The following COL7A1 variants were observed in gnomAD, a reference collection of about 807,000 sequenced individuals.
COL7A1 encodes the protein collagen alpha-1(VII) chain.
COL7A1 carries 296 observed loss-of-function variants against 456.2 expected under a neutral mutation model. The ratio of observed to expected loss-of-function variants is 0.65; its 90% CI spans 0.59 to 0.71. The LOEUF is 0.71. Among genes scored for constraint, COL7A1 ranks in the 30% least tolerant of loss-of-function variants. The pLI is 0.00. For missense variants in COL7A1, 3,441 were observed against 4,017.2 expected (o/e 0.86, Z 3.88); for synonymous variants, 1,464 against 1,525.9 (o/e 0.96, Z 0.95).
chr3:48,589,305 T>C, intron 18 of COL7A1, 22 bp downstream of exon 18: 1 of 1,611,544 alleles, frequency 6.2e-7, no homozygotes, highest in Non-Finnish European at 8.5e-7. Flanking sequence ...GTGTGGCTAG[T>C]AGCTGGCCAG....
At position 48,586,264 on chromosome 3, in the gene COL7A1, G is replaced by A; in HGVS notation, c.3551-18C>T. 1.2e-6 allele frequency: 2 copies of A among 1,613,752 alleles called. No homozygotes were observed. The highest frequency in any genetic ancestry group is 1.7e-5 in the Admixed American group (1 of 60,036). On this transcript the variant is annotated intron_variant, in intron 27 of 118. Transcript: ENST00000681320. This position sits in a 1 kb window ranked among gnomAD's most constrained non-coding sequence, Gnocchi z 5.1. ...ATTAAGCCCTAAGGTGGGGTCCAGT[G>A]GCTGCATGATAGCCTTTTCAGGGCC...
At position 48,572,949 on chromosome 3, in the gene COL7A1, G is replaced by T; in HGVS notation, c.6751-7C>A. ...CCGGCTTCCCTGTCTCCCCCTGAGA[G>T]GGAAGAGCTCTGTCAGGGCTGCCTG... On this transcript the variant is annotated splice_region_variant and splice_polypyrimidine_tract_variant and intron_variant, in intron 86 of 118. Coordinates refer to ENST00000681320, the MANE Select transcript of COL7A1 (RefSeq NM_000094.4). This position sits in a 1 kb window ranked among gnomAD's most constrained non-coding sequence, Gnocchi z 4.6. 1 of 1,614,010 alleles carries T rather than the reference G, an allele frequency of 6.2e-7. No homozygotes were observed. Among genetic ancestry groups the T allele is most frequent in the Non-Finnish European group, 8.5e-7 (1 of 1,180,016 alleles).
In COL7A1 at chr3:48,580,191, C is replaced by T. The variant is rs971121762; in HGVS notation, c.5097+109G>A. 3 of 1,534,952 alleles carry T rather than the reference C, an allele frequency of 2.0e-6. No homozygotes were observed. The highest frequency in any genetic ancestry group is 1.4e-5 in the African/African-American group (1 of 73,034). Reference sequence around the variant, plus strand: ...CCAGCCCCCAGCAGGCATGGGTGGCCATCCATGCTTCCCACCTGGACCTCC... The same window carrying T: ...CCAGCCCCCAGCAGGCATGGGTGGCTATCCATGCTTCCCACCTGGACCTCC... On this transcript the variant is annotated intron_variant, in intron 56 of 118. Transcript: ENST00000681320. The surrounding 1 kb of genome is among the most constrained non-coding windows in gnomAD (Gnocchi z 4.5).
In COL7A1 at chr3:48,584,073, A is replaced by G; in HGVS notation, c.4198-12T>C. 6.2e-7 allele frequency: 1 copy of G among 1,614,172 alleles called. No homozygotes were observed. Among genetic ancestry groups the G allele is most frequent in the Non-Finnish European group, 8.5e-7 (1 of 1,180,032 alleles). On this transcript the variant is annotated splice_polypyrimidine_tract_variant and intron_variant, in intron 37 of 118. Transcript: ENST00000681320. ...TCGCCTTTGTCACCCTAGAAAACAG[A>G]TGACGACCCCATGACCCTGGGCCAC...
chr3:48,576,276 G>A lies in COL7A1; in HGVS notation c.5793C>T (p.Gly1931=). ...GCACACTTCCAGGCTCTCCTCGCAGGCCACGCTCTCCAGGGAGGCCCTGGA... is the reference window on the plus strand; with the variant it reads ...GCACACTTCCAGGCTCTCCTCGCAGACCACGCTCTCCAGGGAGGCCCTGGA... ...KGEQGLPGER[G]LRGEPGSVPN... The change falls in exon 71 of 119, where the codon GGC becomes GGT. Residue 1931 remains glycine, a synonymous_variant. Coordinates refer to ENST00000681320, the MANE Select transcript of COL7A1 (RefSeq NM_000094.4). The A allele has an allele frequency of 6.2e-7, 1 of 1,613,814 alleles. No individual in the cohort carries two copies.
At position 48,587,698 on chromosome 3, in the gene COL7A1, G is replaced by A. The variant is rs2045373859; in HGVS notation, c.2857+95C>T. 2 of 1,603,060 alleles carry A rather than the reference G, an allele frequency of 1.2e-6. No homozygotes were observed. The highest frequency in any genetic ancestry group is 1.7e-5 in the Admixed American group (1 of 60,012). ...GTCACCCAGGGTCAGAGGGTGAGGG[G>A]TAGGGGTACAGGAGGAGTCACTCAG... On this transcript the variant is annotated intron_variant, in intron 22 of 118. Coordinates refer to ENST00000681320, the MANE Select transcript of COL7A1 (RefSeq NM_000094.4). This position sits in a 1 kb window ranked among gnomAD's most constrained non-coding sequence, Gnocchi z 6.1.
In COL7A1 at chr3:48,574,717, TC is replaced by T; in HGVS notation, c.6352del (p.Glu2118SerfsTer88). On this transcript the variant is annotated frameshift_variant, in exon 78 of 119. Coordinates refer to ENST00000681320, the MANE Select transcript of COL7A1 (RefSeq NM_000094.4). LOFTEE classifies it high-confidence loss of function. The surrounding 1 kb of genome is among the most constrained non-coding windows in gnomAD (Gnocchi z 5.0). Reference sequence around the variant, plus strand: ...ACCTTGGTCACCATTGCTGCCCGGCTCCCCCTGTGGGGATGAGATGTCAAGT... The same window carrying T: ...ACCTTGGTCACCATTGCTGCCCGGCTCCCCTGTGGGGATGAGATGTCAAGT... ...GPPGLKGAKG[E>X]PGSNGDQGPK... The T allele has an allele frequency of 6.2e-7, 1 of 1,613,804 alleles. No homozygotes were observed. The highest frequency in any genetic ancestry group is 1.1e-5 in the South Asian group (1 of 91,076).
Position 48,574,520 on chromosome 3 carries a change from C to G in COL7A1, c.6424G>C (p.Glu2142Gln), listed in dbSNP as rs1312766377. 6.2e-7 allele frequency: 1 copy of G among 1,614,066 alleles called. No individual in the cohort carries two copies. Among genetic ancestry groups the G allele is most frequent in the Admixed American group, 1.7e-5 (1 of 60,030 alleles). Residue 2142 changes from glutamate (E) to glutamine (Q), a missense_variant, in exon 79 of 119, where the codon GAG becomes CAG. Glu to Gln is a conservative substitution (Grantham distance 29, BLOSUM62 2). This residue lies in a region of COL7A1 where 2,084 missense variants were observed against 2,501.3 expected (regional missense o/e 0.83). Transcript: ENST00000681320. The surrounding 1 kb of genome is among the most constrained non-coding windows in gnomAD (Gnocchi z 5.0). ...CCGTCCTGACCCCTCGGTCCAGGCT[C>G]TCCCCGGTCTCCTTTGATGCCTGGC... ...GVPGIKGDRG[E>Q]PGPRGQDGNP...
At chr3:48,582,562 G>T in intron 45 of COL7A1, 47 bp downstream of exon 45, 1 of 1,613,782 alleles carries the variant, frequency 6.2e-7, no homozygotes, top group Non-Finnish European at 8.5e-7. Context: ...AAAGGGGAGG[G>T]ACACACAAAA....
chr3:48,568,631 G>T lies in COL7A1; in HGVS notation c.7759-97C>A, dbSNP rs1027101936. On this transcript the variant is annotated intron_variant, in intron 104 of 118. Transcript: ENST00000681320. The surrounding 1 kb of genome is among the most constrained non-coding windows in gnomAD (Gnocchi z 5.2). ...GGCCACTCAGATGCTCAGCGGCCAG[G>T]GCCCAGGCCACACACAGATCCCGGG... The T allele has an allele frequency of 4.0e-6, 6 of 1,505,728 alleles. No individual in the cohort carries two copies. The African/African-American group carries it at 8.3e-5, about 21-fold the overall frequency. 93.3% of individuals were successfully genotyped at this position (1,505,728 alleles called of 1,614,324 possible).
rs2043884858 is a variant in COL7A1, at chr3:48,571,051, T to C, written c.7164+50A>G. 2.5e-6 allele frequency: 4 copies of C among 1,612,464 alleles called. No individual in the cohort carries two copies. The highest frequency in any genetic ancestry group is 3.4e-6 in the Non-Finnish European group (4 of 1,178,768). On this transcript the variant is annotated intron_variant, in intron 94 of 118. Coordinates refer to ENST00000681320, the MANE Select transcript of COL7A1 (RefSeq NM_000094.4). The surrounding 1 kb of genome is among the most constrained non-coding windows in gnomAD (Gnocchi z 4.6). ...TCATCAGAACTCCCTCTTCCTCCTGTGGGGGCCCGGCCTGCTGCCCCTACA... is the reference window on the plus strand; with the variant it reads ...TCATCAGAACTCCCTCTTCCTCCTGCGGGGGCCCGGCCTGCTGCCCCTACA...
At position 48,565,595 on chromosome 3, in the gene COL7A1, G is replaced by C. The variant is rs1016529136; in HGVS notation, c.8440+41C>G. On this transcript the variant is annotated intron_variant, in intron 115 of 118. Coordinates refer to ENST00000681320, the MANE Select transcript of COL7A1 (RefSeq NM_000094.4). The surrounding 1 kb of genome is among the most constrained non-coding windows in gnomAD (Gnocchi z 4.5). ...GACCCCAGTTGATAGGCAGGGCAGG[G>C]CCTGGGGTGAAGAAAGTTCTGGGAG... 5.6e-6 allele frequency: 9 copies of C among 1,614,006 alleles called. No individual in the cohort carries two copies. The highest frequency in any genetic ancestry group is 7.6e-6 in the Non-Finnish European group (9 of 1,180,010).
In COL7A1 at chr3:48,586,731, G is replaced by A; in HGVS notation, c.3277-42C>T. 1 of 1,553,878 alleles carries A rather than the reference G, an allele frequency of 6.4e-7. No homozygotes were observed. The highest frequency in any genetic ancestry group is 1.2e-5 in the South Asian group (1 of 84,700). The stretch of plus-strand genomic sequence containing the variant: ...CACAGAGCCTGAGGAGGATGACAGA[G>A]CAGGGATGGGGGTGCACAGAGCCTG... On this transcript the variant is annotated intron_variant, in intron 25 of 118. Transcript: ENST00000681320. The surrounding 1 kb of genome is among the most constrained non-coding windows in gnomAD (Gnocchi z 5.1).
rs758184707 is a variant in COL7A1, at chr3:48,576,393, G to A, written c.5772+7C>T. The A allele has an allele frequency of 7.4e-6, 12 of 1,613,826 alleles. No individual in the cohort carries two copies. In the Admixed American group the frequency reaches 1.0e-4, roughly 13 times the overall value. On this transcript the variant is annotated splice_region_variant and intron_variant, in intron 70 of 118. Transcript: ENST00000681320. ...ACCTGGGCATGTGGAAAAGGTGGGG[G>A]CCTCACCTGCTCCCCTTTGGATCCA...
rs2045360946 is a variant in COL7A1, at chr3:48,587,540, G to A, written c.2872C>T (p.Pro958Ser). The A allele has an allele frequency of 1.9e-6, 3 of 1,613,574 alleles. No homozygotes were observed. The East Asian group carries it at 6.7e-5, about 36-fold the overall frequency. Residue 958 changes from proline (P) to serine (S), a missense_variant, in exon 23 of 119, where the codon CCA (proline) becomes TCA (serine). Coordinates refer to ENST00000681320, the MANE Select transcript of COL7A1 (RefSeq NM_000094.4). This position sits in a 1 kb window ranked among gnomAD's most constrained non-coding sequence, Gnocchi z 6.1. ...VTARTESPRVPSIELRVVDTS... is the reference protein window; with the variant it reads ...VTARTESPRVSSIELRVVDTS... ...TCCACCACACGTAGTTCAATGCTTGGAACACGAGGTGACTCTGAAGGAGGA... is the reference window on the plus strand; with the variant it reads ...TCCACCACACGTAGTTCAATGCTTGAAACACGAGGTGACTCTGAAGGAGGA...
rs2044703137 is a variant in COL7A1, at chr3:48,580,857, G to A, written c.4980+25C>T. 6 of 1,613,838 alleles carry A rather than the reference G, an allele frequency of 3.7e-6. No individual in the cohort carries two copies. The highest frequency in any genetic ancestry group is 4.2e-6 in the Non-Finnish European group (5 of 1,179,936). On this transcript the variant is annotated intron_variant, in intron 54 of 118. Transcript: ENST00000681320. This position sits in a 1 kb window ranked among gnomAD's most constrained non-coding sequence, Gnocchi z 4.5. ...TTCATGCCCACCTCCCATCACCCCTGTTACTTCTCTCTGCCAAGACTCACC... is the reference window on the plus strand; with the variant it reads ...TTCATGCCCACCTCCCATCACCCCTATTACTTCTCTCTGCCAAGACTCACC...
At position 48,591,847 on chromosome 3, in the gene COL7A1, G is replaced by A. The variant is rs72925275; in HGVS notation, c.1358-25C>T. ...CCTGCAAGATAACAGGGTCAGACCA[G>A]CAGAGGCCATGCCCTGACCCTTGCC... On this transcript the variant is annotated intron_variant, in intron 11 of 118. Transcript: ENST00000681320. This position sits in a 1 kb window ranked among gnomAD's most constrained non-coding sequence, Gnocchi z 7.0. 12,252 of 1,614,122 alleles carry A rather than the reference G, an allele frequency of 7.6e-3. 800 individuals are homozygous for A. The African/African-American group carries it at 0.14, about 19-fold the overall frequency.
chr3:48,570,215 G>A lies in COL7A1; in HGVS notation c.7441-37C>T, dbSNP rs533991505. 1 of 1,614,048 alleles carries A rather than the reference G, an allele frequency of 6.2e-7. No homozygotes were observed. The highest frequency in any genetic ancestry group is 8.5e-7 in the Non-Finnish European group (1 of 1,179,950). On this transcript the variant is annotated intron_variant, in intron 98 of 118. Transcript: ENST00000681320. The surrounding 1 kb of genome is among the most constrained non-coding windows in gnomAD (Gnocchi z 5.5). ...CATTAGGTTCATTGACTCAGAGGTT[G>A]GAAATCAGAGGCAAGAGCTGGGATG...
In COL7A1 at chr3:48,580,884, G is replaced by A. The variant is rs147285396; in HGVS notation, c.4978C>T (p.Arg1660Trp). Residue 1660 changes from arginine to tryptophan, a missense_variant and splice_region_variant, in exon 54 of 119, where the codon CGG (arginine) becomes TGG (tryptophan). Coordinates refer to ENST00000681320, the MANE Select transcript of COL7A1 (RefSeq NM_000094.4). The surrounding 1 kb of genome is among the most constrained non-coding windows in gnomAD (Gnocchi z 4.5). ...LPGKAGERGL[R>W]GAPGVRGPVG... ...TACTTCTCTCTGCCAAGACTCACCCGAAGGCCACGCTCGCCTGCTTTTCCA... is the reference window on the plus strand; with the variant it reads ...TACTTCTCTCTGCCAAGACTCACCCAAAGGCCACGCTCGCCTGCTTTTCCA... 342 of 1,613,860 alleles carry A rather than the reference G, an allele frequency of 2.1e-4. No individual in the cohort carries two copies. Among genetic ancestry groups the A allele is most frequent in the South Asian group, 3.7e-4 (34 of 91,078 alleles).
Sources: allele counts gnomAD v4.1 joint callset, GRCh38; gene constraint gnomAD v4.1.1; regional missense constraint gnomAD v4.1.1; non-coding constraint Gnocchi (gnomAD v3.1); transcripts MANE v1.5; gene names NCBI Gene and HGNC (gene_info 2026-07-23, HGNC 2026-07-21).